The following DNAH14 variants were observed in gnomAD, a reference collection of about 807,000 sequenced individuals.
DNAH14 encodes dynein axonemal heavy chain 14.
In DNAH14, 478 loss-of-function variants were observed where a neutral mutation model predicts 520.9. The observed-to-expected ratio is 0.92, with a 90% CI of 0.85 to 0.99. The LOEUF (loss-of-function observed/expected upper bound fraction) is 0.99. Among genes scored for constraint, DNAH14 ranks in the 50% least tolerant of loss-of-function variants. The pLI is 0.00. For synonymous variants in DNAH14, 1,581 were observed against 1,757.2 expected (o/e 0.90, Z 2.51); for missense variants, 4,831 against 5,234.5 (o/e 0.92, Z 2.38).
At chr1:225,067,366 T>C (rs1264428252) in intron 17 of DNAH14, among the ~76,000 whole-genome samples, 1 of 152,212 alleles carries the variant, frequency 6.6e-6, no homozygotes, top group Non-Finnish European at 1.5e-5. Flanking sequence ...TAGTCTATCA[T>C]TGATGGGCAT....
At chr1:224,977,745 A>G (rs2061969036) in intron 8 of DNAH14, among the ~76,000 whole-genome samples, 1 of 152,240 alleles carries the variant, frequency 6.6e-6, no homozygotes, top group Admixed American at 6.5e-5. Context: ...AGCCTGCAGA[A>G]TGGGAGAAAA....
At position 225,333,455 on chromosome 1, in the gene DNAH14, T is replaced by G; in HGVS notation, c.10029T>G (p.Ile3343Met). ...KWETFCIENG[I>M]SLSSKFSLIK... The stretch of plus-strand genomic sequence containing the variant: ...AGACATTCTGCATTGAAAATGGCAT[T>G]TCTTTGTCTTCCAAATTCTCTTTAA... The change falls in exon 66 of 86, where the codon ATT (isoleucine) becomes ATG (methionine). Residue 3343 changes from isoleucine (I) to methionine (M), a missense_variant. Transcript: ENST00000682510. The G allele has an allele frequency of 6.4e-7, 1 of 1,551,304 alleles. No homozygotes were observed. The highest frequency in any genetic ancestry group is 1.2e-5 in the South Asian group (1 of 84,042).
At chr1:225,225,631 A>C (rs1292633681) in intron 41 of DNAH14, among the ~76,000 whole-genome samples, 1 of 152,198 alleles carries the variant, frequency 6.6e-6, no homozygotes, top group Non-Finnish European at 1.5e-5. Flanking sequence ...AGTCTTGTTT[A>C]CCCTTAATTT....
At chr1:224,954,262 A>T (rs771734839) in intron 2 of DNAH14, among the ~76,000 whole-genome samples, 1 of 152,144 alleles carries the variant, frequency 6.6e-6, no homozygotes, top group Non-Finnish European at 1.5e-5. Flanking sequence ...GTTCAAAGAC[A>T]TTGTGCTTTC....
chr1:225,058,012 C>T lies in DNAH14; in HGVS notation c.2424+6217C>T, dbSNP rs1311318881. ...TCTCTTTTTTTTGTTGTGTCTCTGG[C>T]AGGCTTTGGTATCAGGATGATGCTG... On this transcript the variant is annotated intron_variant, in intron 17 of 85. Coordinates refer to ENST00000682510, the MANE Select transcript of DNAH14 (RefSeq NM_001367479.1). Among the ~76,000 whole-genome samples, 5 of 152,186 alleles carry T rather than the reference C, an allele frequency of 3.3e-5. No individual in the cohort carries two copies. The East Asian group carries it at 5.8e-4, about 18-fold the overall frequency.
chr1:225,276,773 A>G (rs1273657680), intron 53 of DNAH14, among the ~76,000 whole-genome samples: 1 of 150,092 alleles, frequency 6.7e-6, no homozygotes, highest in Non-Finnish European at 1.5e-5. Context: ...TTAATTAATC[A>G]GGCATTGTGG....
At chr1:225,378,460 C>T (rs529657338) in intron 79 of DNAH14, among the ~76,000 whole-genome samples, 2 of 152,294 alleles carry the variant, frequency 1.3e-5, no homozygotes, top group East Asian at 3.9e-4. Flanking sequence ...AGCCATGTGA[C>T]CTCAGGCGAT....
At chr1:225,370,459 G>A (rs1257207661) in intron 77 of DNAH14, among the ~76,000 whole-genome samples, 1 of 152,070 alleles carries the variant, frequency 6.6e-6, no homozygotes, top group African/African-American at 2.4e-5. Flanking sequence ...GGTTGAGGCT[G>A]CAGTAAGCTG....
intron 17 of DNAH14, among the ~76,000 whole-genome samples, chr1:225,054,640 G>A (rs955959413): frequency 6.6e-6 from 1 of 151,852 alleles, no homozygotes; most frequent in Non-Finnish European, 1.5e-5. Flanking sequence ...TGCATTTCTG[G>A]TGGTTTTTCC....
chr1:225,231,190 AT>A (rs1327606197), intron 42 of DNAH14, 39 bp downstream of exon 42: 18 of 1,408,912 alleles, frequency 1.3e-5, no homozygotes, highest in Non-Finnish European at 1.6e-5. Context: ...TTTAATAACC[AT>A]TAGGTGCCAG....
intron 11 of DNAH14, among the ~76,000 whole-genome samples, chr1:225,037,769 G>A (rs965810697): frequency 6.6e-6 from 1 of 152,038 alleles, no homozygotes; most frequent in Non-Finnish European, 1.5e-5. Flanking sequence ...CACAATCTCC[G>A]CCTCCTGGGT....
At chr1:224,999,742 T>A (rs1367525616) in intron 8 of DNAH14, among the ~76,000 whole-genome samples, 2 of 152,152 alleles carry the variant, frequency 1.3e-5, no homozygotes, top group Non-Finnish European at 1.5e-5. Context: ...TGTAGCTTTT[T>A]TAGTGGTTGC....
At chr1:225,177,984 T>A (rs9887766) in intron 36 of DNAH14, among the ~76,000 whole-genome samples, 23,454 of 152,070 alleles carry the variant, frequency 0.15, 2,120 homozygotes, top group East Asian at 0.36. Flanking sequence ...ATGCCAGCCC[T>A]TGAAAACAGC....
intron 54 of DNAH14, among the ~76,000 whole-genome samples, chr1:225,287,374 C>T (rs553742079): frequency 6.6e-6 from 1 of 152,162 alleles, no homozygotes; most frequent in East Asian, 1.9e-4. Flanking sequence ...GTTAACCATT[C>T]CAATACCACA....
chr1:225,273,214 C>G, intron 52 of DNAH14, 89 bp downstream of exon 52: 1 of 1,347,228 alleles, frequency 7.4e-7, no homozygotes, highest in Admixed American at 2.7e-5. Flanking sequence ...GGGCAGATCA[C>G]GAGGTCAGGA....
chr1:225,079,085 C>T lies in DNAH14; in HGVS notation c.2425-122C>T, dbSNP rs1473732213. The stretch of plus-strand genomic sequence containing the variant: ...ATAGCAGTGTGAGAACAGACTAATA[C>T]ATGATGTTTTAATTATTTTCTGAAA... On this transcript the variant is annotated intron_variant, in intron 17 of 85. Coordinates refer to ENST00000682510, the MANE Select transcript of DNAH14 (RefSeq NM_001367479.1). 4 of 905,962 alleles carry T rather than the reference C, an allele frequency of 4.4e-6. No homozygotes were observed. The East Asian group carries it at 7.9e-5, about 18-fold the overall frequency. The allele number at this position is 905,962 out of a possible 1,614,324, so 56.1% of individuals were successfully genotyped here.
chr1:225,049,778 C>A (rs571006657), intron 15 of DNAH14, among the ~76,000 whole-genome samples: 1 of 86,600 alleles, frequency 1.2e-5, no homozygotes, highest in African/African-American at 9.4e-5. Flanking sequence ...ATCTACCTAT[C>A]TATCTATCTA....
At chr1:225,303,569 CCTGTGT>C (rs2094180118) in intron 57 of DNAH14, among the ~76,000 whole-genome samples, 1 of 152,158 alleles carries the variant, frequency 6.6e-6, no homozygotes, top group Non-Finnish European at 1.5e-5. Context: ...TTCTGCAATG[CCTGTGT>C]CTCTTCACTA....
At chr1:225,368,247 A>G (rs1333820808) in intron 77 of DNAH14, among the ~76,000 whole-genome samples, 2 of 152,216 alleles carry the variant, frequency 1.3e-5, no homozygotes, top group Non-Finnish European at 2.9e-5. Flanking sequence ...CTGTATAAGT[A>G]CGTAATCTAT....
Sources: allele counts gnomAD v4.1 joint callset (sites outside exome capture counted in the v4.1 genomes callset), GRCh38; gene constraint gnomAD v4.1.1; transcripts MANE v1.5; gene names NCBI Gene and HGNC (gene_info 2026-07-23, HGNC 2026-07-21).